SLC25A51: variants seen among roughly 807,000 people sequenced by gnomAD.
The protein encoded by SLC25A51 is mitochondrial nicotinamide adenine dinucleotide transporter SLC25A51.
SLC25A51 carries 11 observed loss-of-function variants against 19.1 expected under a neutral mutation model. The ratio of observed to expected loss-of-function variants is 0.58; its 90% CI spans 0.36 to 0.96. The LOEUF is 0.96. Among genes scored for constraint, SLC25A51 ranks in the 40% least tolerant of loss-of-function variants. The pLI, the probability that SLC25A51 is intolerant of heterozygous loss-of-function variation, is 0.01. For missense variants in SLC25A51, 201 were observed against 365.4 expected, an observed-to-expected ratio of 0.55 and a Z score of 3.67; for synonymous variants, 105 against 133.6, an observed-to-expected ratio of 0.79 and a Z score of 1.47.
At chr9:37,885,933 C>A, downstream of SLC25A51, 1 of 1,603,630 alleles carries the variant, frequency 6.2e-7, no homozygotes, top group Admixed American at 1.7e-5. Flanking sequence ...AATGATAAAA[C>A]CATTGATGAG....
downstream of SLC25A51, among the ~76,000 whole-genome samples, chr9:37,887,092 G>A (rs1406776059): frequency 6.6e-6 from 1 of 152,106 alleles, no homozygotes; most frequent in Non-Finnish European, 1.5e-5. Context: ...CGAGGCGGGT[G>A]GATCACGAGG....
chr9:37,902,040 T>C (rs1033781349), intron 1 of SLC25A51, among the ~76,000 whole-genome samples: 1 of 152,242 alleles, frequency 6.6e-6, no homozygotes, highest in Non-Finnish European at 1.5e-5. Context: ...TACATGATAT[T>C]GTGACAATTT....
At chr9:37,900,760 C>T (rs1831829540) in intron 1 of SLC25A51, among the ~76,000 whole-genome samples, 1 of 152,068 alleles carries the variant, frequency 6.6e-6, no homozygotes, top group Admixed American at 6.6e-5. Context: ...ACTTATGTTC[C>T]CTTTTTTCTT....
At chr9:37,900,305 C>T (rs547773138) in intron 1 of SLC25A51, among the ~76,000 whole-genome samples, 1 of 152,130 alleles carries the variant, frequency 6.6e-6, no homozygotes, top group South Asian at 2.1e-4. Flanking sequence ...AAAATTTAGC[C>T]AGGCATCGTG....
intron 2 of SLC25A51, among the ~76,000 whole-genome samples, chr9:37,890,618 C>A (rs1564068137): frequency 6.6e-6 from 1 of 151,902 alleles, no homozygotes; most frequent in Non-Finnish European, 1.5e-5. Flanking sequence ...ACCTCTTGAG[C>A]CCAGGAAGTT....
chr9:37,885,748 C>T (rs528844660), downstream of SLC25A51: 4 of 1,477,634 alleles, frequency 2.7e-6, no homozygotes, highest in Admixed American at 1.7e-5. Context: ...AGATCCATCA[C>T]TGTGGAGCAA....
At chr9:37,880,892 C>T (rs559121508) in intron 3 of SLC25A51, 14 of 152,370 alleles carry the variant, frequency 9.2e-5, no homozygotes, top group Admixed American at 5.2e-4. Flanking sequence ...GTCTAGAACT[C>T]TACAGTGGCT....
chr9:37,902,273 T>C (rs1195192246), intron 1 of SLC25A51, among the ~76,000 whole-genome samples: 2 of 152,224 alleles, frequency 1.3e-5, no homozygotes, highest in African/African-American at 4.8e-5. Context: ...TATTTATGAC[T>C]CTGTGTGAGA....
rs369844946 is a variant in SLC25A51 at position 37,887,984 on chromosome 9, C to G, written c.567G>C (p.Leu189Phe). The change falls in exon 3 of 3, where the codon TTG (leucine) becomes TTC (phenylalanine). Residue 189 changes from leucine to phenylalanine, a missense_variant. Leu to Phe is a conservative substitution (Grantham distance 22). Coordinates refer to ENST00000242275, the MANE Select transcript of SLC25A51 (RefSeq NM_033412.4). ...TAATGGGACCTCGAAGGCCGAAAAA[C>G]AAGACATTGCTGAGTCCATTCCGGA... ...ILFRNGLSNV[L>F]FFGLRGPIKE... The G allele has an allele frequency of 2.4e-5, 39 of 1,611,980 alleles. No homozygotes were observed. The African/African-American group carries it at 3.5e-4, about 14-fold the overall frequency.
downstream of SLC25A51, among the ~76,000 whole-genome samples, chr9:37,885,358 A>C (rs1471713367): frequency 4.6e-5 from 7 of 151,582 alleles, no homozygotes; most frequent in Non-Finnish European, 7.4e-5. Flanking sequence ...AAAAAAAAAA[A>C]AAAAAAAAAA....
intron 2 of SLC25A51, chr9:37,881,701 CTT>C (rs1199322489): frequency 6.6e-6 from 1 of 152,196 alleles, no homozygotes; most frequent in Non-Finnish European, 1.5e-5. Context: ...TGAAACCCCT[CTT>C]GACGAAATAA....
chr9:37,886,523 T>C (rs1587156254), downstream of SLC25A51: 1 of 1,031,164 alleles, frequency 9.7e-7, no homozygotes, highest in East Asian at 2.6e-5. Context: ...CAGCTTCTGA[T>C]TTTAAAGAGG....
At chr9:37,895,170 T>G (rs1233006764) in intron 2 of SLC25A51, among the ~76,000 whole-genome samples, 1 of 152,158 alleles carries the variant, frequency 6.6e-6, no homozygotes, top group Non-Finnish European at 1.5e-5. Flanking sequence ...TGGGCAACCT[T>G]GTACTTATAC....
chr9:37,901,537 C>T (rs185545275), intron 1 of SLC25A51, among the ~76,000 whole-genome samples: 6 of 152,316 alleles, frequency 3.9e-5, no homozygotes, highest in Admixed American at 1.3e-4. Flanking sequence ...CTGTTTAAGG[C>T]TGTGTACTTT....
At chr9:37,891,848 T>TTA (rs375610382) in intron 2 of SLC25A51, among the ~76,000 whole-genome samples, 1,321 of 87,706 alleles carry the variant, frequency 0.015, 34 homozygotes, top group African/African-American at 0.057. Context: ...CCAAGAATGA[T>TTA]AAAAAAAAAA....
In SLC25A51 at chr9:37,904,099, G is replaced by A. The variant is rs1831922083; in HGVS notation, c.-196C>T. On this transcript the variant is annotated 5_prime_UTR_variant, in exon 1 of 3. Coordinates refer to ENST00000242275, the MANE Select transcript of SLC25A51 (RefSeq NM_033412.4). Reference sequence around the variant, plus strand: ...GCGCCGGCGTCCCGCAGGACGGCTAGCGAGCCGGGGCCCGCGCAGGCGCAG... The same window carrying A: ...GCGCCGGCGTCCCGCAGGACGGCTAACGAGCCGGGGCCCGCGCAGGCGCAG... 6.6e-6 allele frequency: 1 copy of A among 152,376 alleles called. No individual in the cohort carries two copies. The highest frequency in any genetic ancestry group is 6.5e-5 in the Admixed American group (1 of 15,290). 9.4% of individuals were successfully genotyped at this position (152,376 alleles called of 1,614,324 possible). A position where few individuals can be genotyped will look rare whatever the true frequency, so the allele number is the denominator to read the frequency against.
At chr9:37,878,614 G>T, downstream of SLC25A51, 1 of 157,184 alleles carries the variant, frequency 6.4e-6, no homozygotes, top group Non-Finnish European at 1.4e-5. Context: ...CACATAGGCT[G>T]TTTTTGAAAT....
intron 2 of SLC25A51, among the ~76,000 whole-genome samples, chr9:37,891,563 C>T (rs1776944987): frequency 1.3e-5 from 2 of 152,078 alleles, no homozygotes; most frequent in Non-Finnish European, 2.9e-5. Context: ...TACCCCCAAC[C>T]CTGTGCTCTC....
chr9:37,884,731 C>T (rs546133451), downstream of SLC25A51, among the ~76,000 whole-genome samples: 1 of 152,176 alleles, frequency 6.6e-6, no homozygotes, highest in South Asian at 2.1e-4. Flanking sequence ...TCAAAGAAAC[C>T]AAGCTAACCA....
Sources: gnomAD v4.1 joint callset for allele counts (sites outside exome capture counted in the v4.1 genomes callset) on GRCh38, gnomAD v4.1.1 for gene constraint, MANE v1.5 for transcripts, NCBI Gene and HGNC (gene_info 2026-07-23, HGNC 2026-07-21) for gene names.